ERC1: variants seen among roughly 807,000 people sequenced by gnomAD.
The protein encoded by ERC1 is ELKS/RAB6-interacting/CAST family member 1.
ERC1 carries 56 observed loss-of-function variants against 132.0 expected under a neutral mutation model. The ratio of observed to expected loss-of-function variants is 0.42; its 90% CI spans 0.34 to 0.53. The LOEUF (loss-of-function observed/expected upper bound fraction) is 0.53. Among genes scored for constraint, ERC1 ranks in the 20% least tolerant of loss-of-function variants. ERC1 has a pLI of 0.03. For synonymous variants in ERC1, 478 were observed against 476.1 expected (o/e 1.00, Z -0.05); for missense variants, 1,202 against 1,349.9 (o/e 0.89, Z 1.72).
chr12:1,307,945 A>G (rs2081005138), intron 15 of ERC1, among the ~76,000 whole-genome samples: 1 of 152,270 alleles, frequency 6.6e-6, no homozygotes, highest in Non-Finnish European at 1.5e-5. Context: ...TGTGACCAGC[A>G]GTAGCTTTGA....
intron 2 of ERC1, among the ~76,000 whole-genome samples, chr12:1,046,204 G>T (rs1971057857): frequency 6.6e-6 from 1 of 152,258 alleles, no homozygotes; most frequent in Middle Eastern, 3.4e-3. Flanking sequence ...CAAAGGAATT[G>T]TGCATCATTC....
chr12:1,345,300 C>T (rs1035354331), intron 15 of ERC1, among the ~76,000 whole-genome samples: 8 of 151,380 alleles, frequency 5.3e-5, no homozygotes, highest in Non-Finnish European at 1.2e-4. Context: ...CCTGCCTCAG[C>T]CTCCCGAGTA....
At position 1,351,015 on chromosome 12, in the gene ERC1, G is replaced by A. The variant is rs374464779; in HGVS notation, c.2781-20818G>A. On this transcript the variant is annotated intron_variant, in intron 15 of 18. Coordinates refer to ENST00000360905, the MANE Select transcript of ERC1 (RefSeq NM_178040.4). ...CTCACTACCACAAGATCAGCACCAA[G>A]CCATTCCTGAAGGATTCATGCCCCT... Among the ~76,000 whole-genome samples, 6 of 152,242 alleles carry A rather than the reference G, an allele frequency of 3.9e-5. No individual in the cohort carries two copies. The East Asian group carries it at 9.7e-4, about 25-fold the overall frequency.
At chr12:1,040,324 C>CTTTTTTTTT (rs956609769) in intron 2 of ERC1, among the ~76,000 whole-genome samples, 2 of 138,090 alleles carry the variant, frequency 1.4e-5, no homozygotes, top group Non-Finnish European at 3.1e-5. Context: ...TTTCTTTTTT[C>CTTTTTTTTT]TTTTTTTTTT....
At chr12:1,039,268 C>T (rs1005417278) in intron 2 of ERC1, among the ~76,000 whole-genome samples, 78 of 149,898 alleles carry the variant, frequency 5.2e-4, no homozygotes, top group African/African-American at 1.3e-3. Context: ...ACCCGGGAGG[C>T]GGAGTTTGCA....
intron 1 of ERC1, among the ~76,000 whole-genome samples, chr12:997,737 G>A (rs1961229936): frequency 3.3e-5 from 5 of 152,176 alleles, no homozygotes; most frequent in Admixed American, 2.0e-4. Flanking sequence ...ATAGTGGTCT[G>A]GAACTGGCAC....
intron 2 of ERC1, among the ~76,000 whole-genome samples, chr12:1,037,569 A>G (rs1380493734): frequency 1.3e-5 from 2 of 152,250 alleles, no homozygotes; most frequent in Admixed American, 6.5e-5. Flanking sequence ...AAGGAACTCA[A>G]GAAGAGAAGA....
intron 3 of ERC1, among the ~76,000 whole-genome samples, chr12:1,091,564 T>C (rs1436093461): frequency 6.6e-6 from 1 of 152,196 alleles, no homozygotes; most frequent in Non-Finnish European, 1.5e-5. Context: ...ACGTATTTAC[T>C]GGACACCAAC....
chr12:1,477,379 T>C (rs1356012018), intron 18 of ERC1, among the ~76,000 whole-genome samples: 1 of 152,176 alleles, frequency 6.6e-6, no homozygotes, highest in African/African-American at 2.4e-5. Flanking sequence ...CACATTTCGC[T>C]AAGCAGAGGA....
At chr12:1,091,764 G>A (rs936656897) in intron 3 of ERC1, among the ~76,000 whole-genome samples, 2 of 152,164 alleles carry the variant, frequency 1.3e-5, no homozygotes, top group African/African-American at 4.8e-5. Context: ...GTTGTGCTGA[G>A]AATAAATGGA....
rs751672285 is a variant in ERC1 at position 1,004,842 on chromosome 12, GTGTGTGTA to G, written c.-157+13522_-157+13529del. 4.3e-4 allele frequency among the ~76,000 whole-genome samples: 24 copies of G among 56,004 alleles called. No individual in the cohort carries two copies. The East Asian group carries it at 0.01, about 24-fold the overall frequency. The allele number at this position is 56,004 out of a possible 152,430, so 36.7% of individuals were successfully genotyped here. A position where few individuals can be genotyped will look rare whatever the true frequency, so the allele number is the denominator to read the frequency against. On this transcript the variant is annotated intron_variant, in intron 1 of 18. Transcript: ENST00000360905. ...TGTGTGTGTGTGTGTGTGTGTGTGT[GTGTGTGTA>G]TAAATTTTTTTTTTCTCATTGTTCA... is the stretch of plus-strand genomic sequence containing the variant.
chr12:1,388,345 CAAAAAAAA>C (rs34634557), intron 16 of ERC1, among the ~76,000 whole-genome samples: 5 of 85,080 alleles, frequency 5.9e-5, no homozygotes, highest in South Asian at 4.4e-4. Flanking sequence ...GACTCTGTCT[CAAAAAAAA>C]AAAAAAAAAA....
rs2094347274 is a variant in ERC1 at position 1,495,048 on chromosome 12, T to A, written c.*4818T>A. ...AGTTGTGCCAGGATTTTCCTATACA[T>A]GTTCAGGACCTCTGGGTAGAGGTTT... On this transcript the variant is annotated 3_prime_UTR_variant, in exon 19 of 19. Transcript: ENST00000360905. 4.4e-6 allele frequency: 1 copy of A among 229,094 alleles called. No homozygotes were observed. Among genetic ancestry groups the A allele is most frequent in the Admixed American group, 5.7e-5 (1 of 17,618 alleles). The allele number at this position is 229,094 out of a possible 1,614,324, so 14.2% of individuals were successfully genotyped here.
At chr12:1,427,190 A>G (rs1007035366) in intron 17 of ERC1, among the ~76,000 whole-genome samples, 4 of 152,114 alleles carry the variant, frequency 2.6e-5, no homozygotes, top group African/African-American at 9.7e-5. Flanking sequence ...AGGTCTCACC[A>G]TATCTCCTAG....
chr12:1,308,549 T>C (rs1410296861), intron 15 of ERC1, among the ~76,000 whole-genome samples: 1 of 152,230 alleles, frequency 6.6e-6, no homozygotes, highest in Non-Finnish European at 1.5e-5. Flanking sequence ...ACTAAATTTT[T>C]CGTGACTTTT....
At chr12:1,484,069 GCT>G (rs1491562355) in intron 18 of ERC1, among the ~76,000 whole-genome samples, 2 of 61,002 alleles carry the variant, frequency 3.3e-5, no homozygotes, top group East Asian at 3.3e-4. Context: ...ACTTTGGGAG[GCT>G]GAGGCGGGCG....
intron 18 of ERC1, chr12:1,480,694 G>A: frequency 1.8e-6 from 1 of 549,776 alleles, no homozygotes; most frequent in Non-Finnish European, 3.2e-6. Flanking sequence ...GCCTAAAGGG[G>A]CCTGCCTTGA....
At chr12:1,310,501 G>A (rs577422903) in intron 15 of ERC1, among the ~76,000 whole-genome samples, 9 of 152,242 alleles carry the variant, frequency 5.9e-5, no homozygotes, top group South Asian at 2.1e-4. Flanking sequence ...GAGCCACACC[G>A]CGCCTGGCCA....
At chr12:1,237,643 T>C (rs1484829633) in intron 13 of ERC1, among the ~76,000 whole-genome samples, 2 of 152,256 alleles carry the variant, frequency 1.3e-5, no homozygotes, top group Non-Finnish European at 2.9e-5. Flanking sequence ...AGAGACATTG[T>C]GTTACTTACG....
Sources: gnomAD v4.1 joint callset for allele counts (sites outside exome capture counted in the v4.1 genomes callset) on GRCh38, gnomAD v4.1.1 for gene constraint, MANE v1.5 for transcripts, NCBI Gene and HGNC (gene_info 2026-07-23, HGNC 2026-07-21) for gene names.